The following MAN1A2 variants were observed in gnomAD, a reference collection of about 807,000 sequenced individuals.
The protein encoded by MAN1A2 is mannosidase alpha class 1A member 2.
In MAN1A2, 26 loss-of-function variants were observed where a neutral mutation model predicts 75.7. The ratio of observed to expected loss-of-function variants is 0.34; its 90% CI spans 0.25 to 0.48. The LOEUF is 0.48. Ranked by LOEUF, MAN1A2 falls within the 20% of genes least tolerant of loss-of-function variation. The pLI, the probability that MAN1A2 is intolerant of heterozygous loss-of-function variation, is 0.99. For synonymous variants in MAN1A2, 247 were observed against 264.6 expected (o/e 0.93, Z 0.65); for missense variants, 562 against 775.5 (o/e 0.72, Z 3.27).
intron 1 of MAN1A2, among the ~76,000 whole-genome samples, chr1:117,388,455 A>G (rs888363915): frequency 2.6e-5 from 4 of 152,142 alleles, no homozygotes; most frequent in South Asian, 2.1e-4. Flanking sequence ...TCTGCAGGCT[A>G]TACAGGAAGT....
chr1:117,369,398 C>A (rs1416947185), intron 1 of MAN1A2, among the ~76,000 whole-genome samples: 2 of 152,038 alleles, frequency 1.3e-5, no homozygotes, highest in Non-Finnish European at 2.9e-5. Context: ...TTCCTTGTTT[C>A]TTAAAATAAT....
intron 5 of MAN1A2, among the ~76,000 whole-genome samples, chr1:117,441,528 A>C (rs1649033816): frequency 6.6e-6 from 1 of 152,186 alleles, no homozygotes; most frequent in Non-Finnish European, 1.5e-5. Flanking sequence ...AGTGGTCTCT[A>C]AAGTTACGTA....
At position 117,408,084 on chromosome 1, in the gene MAN1A2, G is replaced by C. The variant is rs527712861; in HGVS notation, c.655+2439G>C. Among the ~76,000 whole-genome samples the C allele has an allele frequency of 9.5e-4, 145 of 152,192 alleles. 2 individuals carry two copies. The highest frequency in any genetic ancestry group is 3.4e-3 in the Middle Eastern group (1 of 294). On this transcript the variant is annotated intron_variant, in intron 3 of 12. Transcript: ENST00000356554. ...GGAGAGGGGAGGAGGAAATGTTGCT[G>C]GATGTAAGTTAGCACTGATACTAAT...
In MAN1A2 at chr1:117,498,997, T is replaced by TA. The variant is rs1035840659; in HGVS notation, c.1505-377dup. Reference sequence around the variant, plus strand: ...AATGTCTTTAAAATTACCTTGCCTTTAAAAAAAACATCCACACAGTGTCAT... The same window carrying TA: ...AATGTCTTTAAAATTACCTTGCCTTTAAAAAAAAACATCCACACAGTGTCAT... On this transcript the variant is annotated intron_variant, in intron 10 of 12. Transcript: ENST00000356554. Among the ~76,000 whole-genome samples, 14 of 151,848 alleles carry TA rather than the reference T, an allele frequency of 9.2e-5. No individual in the cohort carries two copies. In the South Asian group the frequency reaches 1.9e-3, roughly 20 times the overall value.
At chr1:117,494,212 T>C (rs1453267722) in intron 9 of MAN1A2, 2 of 152,080 alleles carry the variant, frequency 1.3e-5, no homozygotes, top group Non-Finnish European at 2.9e-5. Flanking sequence ...AATGACTTCA[T>C]ACCATGATAT....
chr1:117,512,744 C>T (rs1366064341), intron 12 of MAN1A2, among the ~76,000 whole-genome samples: 1 of 127,212 alleles, frequency 7.9e-6, no homozygotes, highest in Non-Finnish European at 1.7e-5. Context: ...ATATTAGGCA[C>T]TGGGATACAC....
chr1:117,509,879 A>G (rs1651477243), intron 12 of MAN1A2, among the ~76,000 whole-genome samples: 1 of 151,772 alleles, frequency 6.6e-6, no homozygotes, highest in Non-Finnish European at 1.5e-5. Context: ...GAGAATAATT[A>G]TTAAATAGTT....
chr1:117,377,258 A>G (rs567914958), intron 1 of MAN1A2, among the ~76,000 whole-genome samples: 14 of 152,332 alleles, frequency 9.2e-5, no homozygotes, highest in South Asian at 6.2e-4. Context: ...TTGTGTTGTC[A>G]TTAATAAATA....
Position 117,460,552 on chromosome 1 carries a change from A to G in MAN1A2, c.1014A>G (p.Thr338=). The change falls in exon 7 of 13, where the codon ACA becomes ACG. Residue 338 remains threonine, a synonymous_variant. Coordinates refer to ENST00000356554, the MANE Select transcript of MAN1A2 (RefSeq NM_006699.5). Reference sequence around the variant, plus strand: ...GCAGCATTCTGGCTGAATTTGGTACACTACATATGGAGTTCATCCACCTCA... The same window carrying G: ...GCAGCATTCTGGCTGAATTTGGTACGCTACATATGGAGTTCATCCACCTCA... ...AGSSILAEFG[T]LHMEFIHLSY... 6.2e-7 allele frequency: 1 copy of G among 1,612,760 alleles called. No individual in the cohort carries two copies. The highest frequency in any genetic ancestry group is 1.1e-5 in the South Asian group (1 of 90,942).
At chr1:117,382,486 A>G (rs1381191785) in intron 1 of MAN1A2, among the ~76,000 whole-genome samples, 1 of 152,140 alleles carries the variant, frequency 6.6e-6, no homozygotes, top group Non-Finnish European at 1.5e-5. Flanking sequence ...AAGATCAGAT[A>G]GTTGTAGATA....
rs76308244 is a variant in MAN1A2 at position 117,374,900 on chromosome 1, T to C, written c.302+6415T>C. Among the ~76,000 whole-genome samples the C allele has an allele frequency of 3.2e-3, 494 of 152,318 alleles. 3 individuals carry two copies. Among genetic ancestry groups the C allele is most frequent in the Non-Finnish European group, 5.6e-3 (384 of 68,022 alleles). On this transcript the variant is annotated intron_variant, in intron 1 of 12. Transcript: ENST00000356554. ...TAGTGTCTTTTTTGTATATAAAAATTAGTTTAAAATCACTTTGGAAATGAC... is the reference window on the plus strand; with the variant it reads ...TAGTGTCTTTTTTGTATATAAAAATCAGTTTAAAATCACTTTGGAAATGAC...
At chr1:117,455,263 G>A (rs2101829057) in intron 6 of MAN1A2, among the ~76,000 whole-genome samples, 1 of 152,258 alleles carries the variant, frequency 6.6e-6, no homozygotes, top group South Asian at 2.1e-4. Flanking sequence ...AGCATATACT[G>A]TATGATGTTT....
At chr1:117,493,329 A>T in intron 9 of MAN1A2, 67 bp downstream of exon 9, 3 of 953,602 alleles carry the variant, frequency 3.1e-6, no homozygotes, top group Non-Finnish European at 3.3e-6. Context: ...TAGTGACTAG[A>T]TGAATATCTT....
At chr1:117,422,032 T>C (rs1453911409) in intron 5 of MAN1A2, among the ~76,000 whole-genome samples, 2 of 152,062 alleles carry the variant, frequency 1.3e-5, no homozygotes, top group Non-Finnish European at 2.9e-5. Flanking sequence ...ATAAAATCAT[T>C]GTGAATTAAT....
intron 1 of MAN1A2, among the ~76,000 whole-genome samples, chr1:117,385,104 T>A (rs971139303): frequency 6.6e-6 from 1 of 152,148 alleles, no homozygotes; most frequent in African/African-American, 2.4e-5. Flanking sequence ...CTCTTCCTTG[T>A]AGAATTAGAA....
Position 117,402,405 on chromosome 1 carries a change from T to C in MAN1A2, c.522T>C (p.Asp174=). The C allele has an allele frequency of 6.2e-7, 1 of 1,609,562 alleles. No homozygotes were observed. The change falls in exon 2 of 13, where the codon GAT becomes GAC. Residue 174 remains aspartate (D), a synonymous_variant. Transcript: ENST00000356554. ...GAATACGTGGTGGAGACCCAGAAGA[T>C]AATGACATAAGAGAGAAAAGGGAAA... ...LVGIRGGDPE[D]NDIREKREKI...
chr1:117,450,546 T>C (rs1178361762), intron 6 of MAN1A2, among the ~76,000 whole-genome samples: 1 of 152,094 alleles, frequency 6.6e-6, no homozygotes, highest in Non-Finnish European at 1.5e-5. Context: ...GGGGCAAATG[T>C]CTCCAGGGCA....
chr1:117,384,429 A>G (rs1653453359), intron 1 of MAN1A2, among the ~76,000 whole-genome samples: 1 of 152,084 alleles, frequency 6.6e-6, no homozygotes, highest in African/African-American at 2.4e-5. Flanking sequence ...TCTATTATTA[A>G]TATCTAACTT....
intron 6 of MAN1A2, among the ~76,000 whole-genome samples, chr1:117,446,415 C>CT (rs752781186): frequency 1.4e-4 from 22 of 151,974 alleles, no homozygotes; most frequent in Non-Finnish European, 3.1e-4. Flanking sequence ...CCATAAACTA[C>CT]TGTTTTTCTA....
Sources: allele counts gnomAD v4.1 joint callset (sites outside exome capture counted in the v4.1 genomes callset), GRCh38; gene constraint gnomAD v4.1.1; transcripts MANE v1.5; gene names NCBI Gene and HGNC (gene_info 2026-07-23, HGNC 2026-07-21).